The following PRKN variants were observed in gnomAD, a reference collection of about 807,000 sequenced individuals.
The protein encoded by PRKN is parkin RBR E3 ubiquitin protein ligase, also known as E3 ubiquitin-protein ligase parkin.
A neutral mutation model predicts 59.5 loss-of-function variants in PRKN; 56 were observed. The observed-to-expected ratio is 0.94, with a 90% CI of 0.76 to 1.18. PRKN has a LOEUF of 1.18. PRKN is among the 50% of genes most tolerant of loss of function. The pLI is 0.00. For synonymous variants in PRKN, 250 were observed against 222.1 expected (o/e 1.13, Z -1.12); for missense variants, 657 against 596.4 (o/e 1.10, Z -1.06).
chr6:162,128,624 G>C (rs1781219265), intron 4 of PRKN, among the ~76,000 whole-genome samples: 1 of 152,028 alleles, frequency 6.6e-6, no homozygotes, highest in Admixed American at 6.6e-5. Context: ...AGTTGTCTTG[G>C]GCCCTGTTAT....
At chr6:161,625,518 G>A (rs1157618250) in intron 7 of PRKN, among the ~76,000 whole-genome samples, 3 of 152,082 alleles carry the variant, frequency 2.0e-5, no homozygotes, top group South Asian at 2.1e-4. Flanking sequence ...CCTATGTAAC[G>A]AACCTGCATG....
Position 162,633,989 on chromosome 6 carries a change from T to C in PRKN, c.7+93673A>G, listed in dbSNP as rs527356824. Among the ~76,000 whole-genome samples the C allele has an allele frequency of 3.3e-5, 5 of 152,216 alleles. No individual in the cohort carries two copies. In the East Asian group the frequency reaches 9.7e-4, roughly 29 times the overall value. ...ACAGTTACAGAGACTGCTAAGTACA[T>C]GAAAAATATACCACACGGTCTTGTG... On this transcript the variant is annotated intron_variant, in intron 1 of 11. Coordinates refer to ENST00000366898, the MANE Select transcript of PRKN (RefSeq NM_004562.3).
chr6:162,390,877 G>T (rs1225738211), intron 2 of PRKN, among the ~76,000 whole-genome samples: 1 of 152,118 alleles, frequency 6.6e-6, no homozygotes, highest in Non-Finnish European at 1.5e-5. Context: ...TATAAAAACA[G>T]AAGTTAAATA....
intron 7 of PRKN, among the ~76,000 whole-genome samples, chr6:161,782,156 A>G (rs987387017): frequency 1.3e-5 from 2 of 152,178 alleles, no homozygotes; most frequent in African/African-American, 4.8e-5. Context: ...AAAAATGAAA[A>G]CTTAGTGTTT....
intron 6 of PRKN, among the ~76,000 whole-genome samples, chr6:161,850,299 G>A (rs1006517339): frequency 6.6e-6 from 1 of 152,164 alleles, no homozygotes; most frequent in Non-Finnish European, 1.5e-5. Flanking sequence ...ATTCTATGAA[G>A]CCAGGCGCGG....
At chr6:162,590,459 T>C (rs1214765244) in intron 1 of PRKN, among the ~76,000 whole-genome samples, 1 of 152,196 alleles carries the variant, frequency 6.6e-6, no homozygotes, top group Non-Finnish European at 1.5e-5. Context: ...CTTTTTTTTA[T>C]TAAGATAGTG....
chr6:162,075,001 T>C lies in PRKN; in HGVS notation c.535-20827A>G, dbSNP rs140229776. Among the ~76,000 whole-genome samples the C allele has an allele frequency of 4.0e-3, 602 of 152,316 alleles. 1 individual carries two copies. The highest frequency in any genetic ancestry group is 7.0e-3 in the Non-Finnish European group (478 of 68,022). ...AATAAAGCCTTACAGATCTGGTGATTCACATGAACGCACTCTTAACGGATT... is the reference window on the plus strand; with the variant it reads ...AATAAAGCCTTACAGATCTGGTGATCCACATGAACGCACTCTTAACGGATT... On this transcript the variant is annotated intron_variant, in intron 4 of 11. Coordinates refer to ENST00000366898, the MANE Select transcript of PRKN (RefSeq NM_004562.3).
intron 5 of PRKN, among the ~76,000 whole-genome samples, chr6:162,005,278 G>A (rs2128264590): frequency 6.6e-6 from 1 of 152,298 alleles, no homozygotes; most frequent in African/African-American, 2.4e-5. Context: ...AAGAAATAAA[G>A]TATAGGACAA....
intron 7 of PRKN, among the ~76,000 whole-genome samples, chr6:161,638,829 C>T (rs934206656): frequency 6.0e-5 from 9 of 149,690 alleles, no homozygotes; most frequent in Admixed American, 1.3e-4. Flanking sequence ...GCAACCTCCA[C>T]CTCCCGGGCT....
intron 1 of PRKN, among the ~76,000 whole-genome samples, chr6:162,550,788 G>A (rs970249633): frequency 6.6e-6 from 1 of 152,182 alleles, no homozygotes; most frequent in Non-Finnish European, 1.5e-5. Context: ...TTTCAGAAAT[G>A]TTCTGGAAAC....
intron 10 of PRKN, among the ~76,000 whole-genome samples, chr6:161,368,382 GATATATATATAT>G (rs34367069): frequency 1.0e-5 from 1 of 99,328 alleles, no homozygotes; most frequent in Non-Finnish European, 2.0e-5. Flanking sequence ...CCTCAGTCTT[GATATATATATAT>G]ATATATATAT....
chr6:162,696,664 C>T lies in PRKN; in HGVS notation c.7+30998G>A, dbSNP rs1033475659. On this transcript the variant is annotated intron_variant, in intron 1 of 11. Coordinates refer to ENST00000366898, the MANE Select transcript of PRKN (RefSeq NM_004562.3). ...ACTGCACTCCCAGGCTCAAGCCATCCTCCCAAGCAGCAGGGACTACAGGTG... is the reference window on the plus strand; with the variant it reads ...ACTGCACTCCCAGGCTCAAGCCATCTTCCCAAGCAGCAGGGACTACAGGTG... 1.1e-4 allele frequency among the ~76,000 whole-genome samples: 16 copies of T among 150,400 alleles called. 1 individual carries two copies. The Admixed American group carries it at 1.1e-3, about 10-fold the overall frequency.
chr6:161,383,669 CT>C (rs905155436), intron 10 of PRKN, among the ~76,000 whole-genome samples: 46 of 152,200 alleles, frequency 3.0e-4, no homozygotes, highest in African/African-American at 1.0e-3. Context: ...CTTCCTCCCC[CT>C]GCCTTTACAG....
rs1420753131 is a variant in PRKN at position 161,770,768 on chromosome 6, G to A, written c.871+15004C>T. ...CAGGCGGGAGTCACTGTGCCTGGCCGGCAACAGGGCCTTTAAAGAGGTAAC... is the reference window on the plus strand; with the variant it reads ...CAGGCGGGAGTCACTGTGCCTGGCCAGCAACAGGGCCTTTAAAGAGGTAAC... On this transcript the variant is annotated intron_variant, in intron 7 of 11. Transcript: ENST00000366898. Among the ~76,000 whole-genome samples the A allele has an allele frequency of 3.9e-5, 6 of 152,102 alleles. No homozygotes were observed. The South Asian group carries it at 8.3e-4, about 21-fold the overall frequency.
At chr6:161,364,194 AAAAC>A (rs1207852326) in intron 10 of PRKN, among the ~76,000 whole-genome samples, 1 of 149,316 alleles carries the variant, frequency 6.7e-6, no homozygotes, top group Non-Finnish European at 1.5e-5. Context: ...AAAAGAAAAG[AAAAC>A]AAACAAACAA....
intron 2 of PRKN, among the ~76,000 whole-genome samples, chr6:162,415,586 G>A (rs1788586976): frequency 6.6e-6 from 1 of 152,140 alleles, no homozygotes; most frequent in Non-Finnish European, 1.5e-5. Context: ...TTGGGAGGGT[G>A]AAGCGGGTAG....
chr6:162,188,264 T>C (rs1487765925), intron 4 of PRKN, among the ~76,000 whole-genome samples: 1 of 152,178 alleles, frequency 6.6e-6, no homozygotes, highest in African/African-American at 2.4e-5. Context: ...CGGGAGCTGC[T>C]TTACAAAAAT....
At position 161,348,476 on chromosome 6, in the gene PRKN, G is replaced by A; in HGVS notation, c.*1623C>T. On this transcript the variant is annotated 3_prime_UTR_variant, in exon 12 of 12. Transcript: ENST00000366898. This position sits in a 1 kb window ranked among gnomAD's most constrained non-coding sequence, Gnocchi z 4.9. ...TGAAGCTGTGAATGCTGATGTGGCT[G>A]CTGCAGAGCCCAGTCTCTCCCCGGT... The A allele has an allele frequency of 4.6e-6, 1 of 218,794 alleles. No homozygotes were observed. The allele number at this position is 218,794 out of a possible 1,614,324, so 13.6% of individuals were successfully genotyped here.
chr6:162,352,659 C>T (rs1240348808), intron 2 of PRKN, among the ~76,000 whole-genome samples: 1 of 152,158 alleles, frequency 6.6e-6, no homozygotes, highest in Admixed American at 6.6e-5. Flanking sequence ...TAAAATCTAA[C>T]AGTCACATTC....
Sources: allele counts gnomAD v4.1 joint callset (sites outside exome capture counted in the v4.1 genomes callset), GRCh38; gene constraint gnomAD v4.1.1; non-coding constraint Gnocchi (gnomAD v3.1); transcripts MANE v1.5; gene names NCBI Gene and HGNC (gene_info 2026-07-23, HGNC 2026-07-21).